TYW1B: variants seen among roughly 807,000 people sequenced by gnomAD.
TYW1B encodes S-adenosyl-L-methionine-dependent tRNA 4-demethylwyosine synthase TYW1B.
In TYW1B, 73 loss-of-function variants were observed where a neutral mutation model predicts 86.9. That is an observed-to-expected ratio of 0.84 (90% CI 0.70 to 1.02). The LOEUF (loss-of-function observed/expected upper bound fraction) is 1.02. TYW1B is among the 50% of genes least tolerant of loss of function. TYW1B has a pLI of 0.00. For synonymous variants in TYW1B, 248 were observed against 292.8 expected (o/e 0.85, Z 1.56); for missense variants, 637 against 827.4 (o/e 0.77, Z 2.82).
chr7:72,811,554 G>A (rs539368396), intron 3 of TYW1B, among the ~76,000 whole-genome samples: 34 of 151,928 alleles, frequency 2.2e-4, no homozygotes, highest in Non-Finnish European at 4.3e-4. Flanking sequence ...CAAAGAATAG[G>A]GGAACCATGT....
intron 11 of TYW1B, among the ~76,000 whole-genome samples, chr7:72,669,200 A>G (rs1813536763): frequency 8.1e-6 from 1 of 123,980 alleles, no homozygotes; most frequent in South Asian, 2.7e-4. Context: ...GCTGGAATGC[A>G]ATGGCGCTAT....
intron 9 of TYW1B, among the ~76,000 whole-genome samples, chr7:72,727,101 T>TA (rs1554458868): frequency 6.6e-6 from 1 of 152,044 alleles, no homozygotes; most frequent in Non-Finnish European, 1.5e-5. Context: ...CAATTCAAGA[T>TA]GAGATTTGGG....
chr7:72,726,487 C>T (rs1345550310), intron 9 of TYW1B, among the ~76,000 whole-genome samples: 4 of 151,766 alleles, frequency 2.6e-5, no homozygotes, highest in South Asian at 2.1e-4. Context: ...CTCAGCCCCC[C>T]GAGTAGCTGG....
intron 13 of TYW1B, among the ~76,000 whole-genome samples, chr7:72,611,542 G>A (rs1419677623): frequency 1.3e-5 from 2 of 152,118 alleles, no homozygotes; most frequent in Non-Finnish European, 2.9e-5. Context: ...TGTAAGACGT[G>A]CCTTCTACCA....
At chr7:72,649,521 G>A (rs1554442489) in intron 11 of TYW1B, among the ~76,000 whole-genome samples, 3 of 152,136 alleles carry the variant, frequency 2.0e-5, no homozygotes, top group African/African-American at 7.2e-5. Flanking sequence ...TTGGATGTCC[G>A]AGGATACTGA....
intron 13 of TYW1B, among the ~76,000 whole-genome samples, chr7:72,608,450 G>A (rs2129568235): frequency 6.6e-6 from 1 of 152,280 alleles, no homozygotes; most frequent in African/African-American, 2.4e-5. Context: ...CACTCAAACT[G>A]CTAACATGTT....
rs1812570107 is a variant in TYW1B at position 72,632,677 on chromosome 7, A to G, written c.1507-3680T>C. Among the ~76,000 whole-genome samples, 2 of 148,946 alleles carry G rather than the reference A, an allele frequency of 1.3e-5. 1 individual carries two copies. The highest frequency in any genetic ancestry group is 4.2e-4 in the South Asian group (2 of 4,774). On this transcript the variant is annotated intron_variant, in intron 11 of 13. Coordinates refer to ENST00000620995, the MANE Select transcript of TYW1B (RefSeq NM_001145440.3). The stretch of plus-strand genomic sequence containing the variant: ...AATTCATCTGAACAAATAAACTGGC[A>G]ACAGTAACCATAAAAATAATAGCAG...
intron 2 of TYW1B, among the ~76,000 whole-genome samples, chr7:72,819,701 G>A (rs186789908): frequency 2.0e-3 from 307 of 152,314 alleles, no homozygotes; most frequent in African/African-American, 7.1e-3. Context: ...CCAAAGTGCT[G>A]GGATTATAGG....
intron 11 of TYW1B, among the ~76,000 whole-genome samples, chr7:72,692,205 C>CAAAAAAAAAAAAAAAAAAAAAAAAAA (rs1168197742): frequency 1.6e-5 from 1 of 62,810 alleles, no homozygotes; most frequent in Non-Finnish European, 2.9e-5. Flanking sequence ...GACTCCATCT[C>CAAAAAAAAAAAAAAAAAAAAAAAAAA]AAAAAAAAAA....
intron 11 of TYW1B, among the ~76,000 whole-genome samples, chr7:72,652,634 A>C (rs1458230267): frequency 6.6e-6 from 1 of 152,144 alleles, no homozygotes; most frequent in East Asian, 1.9e-4. Flanking sequence ...AGTTGAACTT[A>C]CAGAAAGTCA....
At chr7:72,718,291 T>A (rs1285496152) in intron 9 of TYW1B, among the ~76,000 whole-genome samples, 1 of 151,840 alleles carries the variant, frequency 6.6e-6, no homozygotes, top group East Asian at 1.9e-4. Flanking sequence ...GACCTAAAGA[T>A]GGAAATAATA....
At chr7:72,791,260 G>C (rs1554473333) in intron 6 of TYW1B, among the ~76,000 whole-genome samples, 2 of 152,032 alleles carry the variant, frequency 1.3e-5, no homozygotes, top group Admixed American at 6.6e-5. Context: ...AAACCTTGGG[G>C]AGGGAGGGGG....
At chr7:72,607,400 A>AAAAAAAAG (rs1434919622) in intron 13 of TYW1B, among the ~76,000 whole-genome samples, 1 of 151,016 alleles carries the variant, frequency 6.6e-6, no homozygotes, top group Non-Finnish European at 1.5e-5. Flanking sequence ...TCTCAAAAAA[A>AAAAAAAAG]AAAAAAAAAG....
Position 72,792,134 on chromosome 7 carries a change from A to G in TYW1B, c.846+10266T>C, listed in dbSNP as rs539385187. Among the ~76,000 whole-genome samples, 134 of 152,090 alleles carry G rather than the reference A, an allele frequency of 8.8e-4. 1 individual carries two copies. Among genetic ancestry groups the G allele is most frequent in the Admixed American group, 2.0e-3 (30 of 15,232 alleles). On this transcript the variant is annotated intron_variant, in intron 6 of 13. Transcript: ENST00000620995. ...ATTTGAGGCCAGGAGTTTGAGATCA[A>G]CCTGGCCAACATGGTGAAACCCCAT... is the stretch of plus-strand genomic sequence containing the variant.
chr7:72,585,593 T>C (rs1208706700), intron 13 of TYW1B, among the ~76,000 whole-genome samples: 2 of 152,152 alleles, frequency 1.3e-5, no homozygotes, highest in Admixed American at 1.3e-4. Context: ...TGGGAGGTAA[T>C]TGAATCATGG....
intron 11 of TYW1B, among the ~76,000 whole-genome samples, chr7:72,651,026 G>A (rs1460285008): frequency 1.3e-5 from 2 of 152,148 alleles, no homozygotes; most frequent in East Asian, 1.9e-4. Flanking sequence ...GCACAGGCAA[G>A]ACCATTTTGG....
chr7:72,728,975 G>C lies in TYW1B; in HGVS notation c.1083-44C>G, dbSNP rs186704312. On this transcript the variant is annotated intron_variant, in intron 8 of 13. Coordinates refer to ENST00000620995, the MANE Select transcript of TYW1B (RefSeq NM_001145440.3). ...GTTCTAAAAGACCCTTCTGTAATAA[G>C]ATCTGGGCTAGTCATTTATGATGAA... The C allele has an allele frequency of 1.2e-4, 185 of 1,555,528 alleles. No homozygotes were observed. The Admixed American group carries it at 3.3e-3, about 28-fold the overall frequency.
chr7:72,823,544 C>T (rs1324220528), intron 2 of TYW1B, among the ~76,000 whole-genome samples: 5 of 151,808 alleles, frequency 3.3e-5, no homozygotes, highest in African/African-American at 4.8e-5. Flanking sequence ...CGCTTGAACC[C>T]GGGAAGCAGA....
intron 11 of TYW1B, among the ~76,000 whole-genome samples, chr7:72,643,242 T>C (rs3132431): frequency 0.14 from 21,601 of 152,126 alleles, 2,310 homozygotes; most frequent in East Asian, 0.55. Flanking sequence ...ATGGCAAGTA[T>C]TCCAAAAATT....
Sources: allele counts gnomAD v4.1 joint callset (sites outside exome capture counted in the v4.1 genomes callset), GRCh38; gene constraint gnomAD v4.1.1; transcripts MANE v1.5; gene names NCBI Gene and HGNC (gene_info 2026-07-23, HGNC 2026-07-21).